Variants in DNM3 observed in about 807,000 individuals in gnomAD.
The protein encoded by DNM3 is dynamin 3.
In DNM3, 47 loss-of-function variants were observed where a neutral mutation model predicts 101.6. That is an observed-to-expected ratio of 0.46 (90% CI 0.37 to 0.59). The LOEUF is 0.59. Among genes scored for constraint, DNM3 ranks in the 20% least tolerant of loss-of-function variants. The pLI is 0.00. For synonymous variants in DNM3, 385 were observed against 387.9 expected (o/e 0.99, Z 0.09); for missense variants, 849 against 1,085.7 (o/e 0.78, Z 3.06).
At chr1:171,966,138 C>A (rs1035569364) in intron 2 of DNM3, among the ~76,000 whole-genome samples, 7 of 152,164 alleles carry the variant, frequency 4.6e-5, no homozygotes, top group Non-Finnish European at 1.0e-4. Flanking sequence ...GGTGGCCCTC[C>A]CAAACAACAC....
intron 12 of DNM3, among the ~76,000 whole-genome samples, chr1:172,086,278 A>G (rs899135070): frequency 1.3e-5 from 2 of 152,280 alleles, no homozygotes; most frequent in Admixed American, 6.5e-5. Flanking sequence ...AGAAACGGAC[A>G]TTGTTTCTTC....
intron 1 of DNM3, among the ~76,000 whole-genome samples, chr1:171,882,339 G>A (rs1434462142): frequency 1.9e-4 from 10 of 51,662 alleles, no homozygotes; most frequent in South Asian, 6.4e-4. Context: ...GCGAAACTCC[G>A]TCTCAAAAAA....
At chr1:172,086,646 A>G (rs12090154) in intron 12 of DNM3, among the ~76,000 whole-genome samples, 111 of 152,198 alleles carry the variant, frequency 7.3e-4, no homozygotes, top group African/African-American at 2.5e-3. Flanking sequence ...CAGTATAGTG[A>G]CTCCGGCTGA....
chr1:171,974,852 C>T (rs938260439), intron 2 of DNM3, among the ~76,000 whole-genome samples: 1 of 151,472 alleles, frequency 6.6e-6, no homozygotes, highest in Non-Finnish European at 1.5e-5. Context: ...CCTTCTCCCC[C>T]TCTTCTTCTT....
At chr1:171,927,270 A>ATAAATATTT (rs2040648539) in intron 2 of DNM3, among the ~76,000 whole-genome samples, 1 of 152,154 alleles carries the variant, frequency 6.6e-6, no homozygotes, top group African/African-American at 2.4e-5. Flanking sequence ...TTGGGGGTGC[A>ATAAATATTT]TGTGAAGGTT....
rs529843548 is a variant in DNM3, at chr1:172,368,626, C to T, written c.1894-10392C>T. ...GAAGGAAAGAAATAATAAAGATCAG[C>T]GCAGAAACAGAGATTAAAACAACAA... On this transcript the variant is annotated intron_variant, in intron 17 of 20. Coordinates refer to ENST00000627582, the MANE Select transcript of DNM3 (RefSeq NM_015569.5). Among the ~76,000 whole-genome samples the T allele has an allele frequency of 4.4e-4, 66 of 151,578 alleles. No homozygotes were observed. In the South Asian group the frequency reaches 6.0e-3, roughly 14 times the overall value.
intron 3 of DNM3, among the ~76,000 whole-genome samples, chr1:171,988,452 CTGTT>C (rs946523746): frequency 3.1e-4 from 47 of 151,938 alleles, no homozygotes; most frequent in African/African-American, 1.0e-3. Context: ...GTCACTGACT[CTGTT>C]TGTACAGCTG....
chr1:171,981,869 A>C (rs766600140), intron 2 of DNM3, among the ~76,000 whole-genome samples: 10 of 152,224 alleles, frequency 6.6e-5, no homozygotes, highest in Non-Finnish European at 1.2e-4. Context: ...GACAAAATAA[A>C]ATTTCACGGA....
intron 8 of DNM3, among the ~76,000 whole-genome samples, chr1:172,044,064 TA>T (rs2049593068): frequency 6.6e-6 from 1 of 152,148 alleles, no homozygotes; most frequent in South Asian, 2.1e-4. Flanking sequence ...CCCTCAAATT[TA>T]CCATATTCAG....
At chr1:172,215,272 C>G (rs1382482308) in intron 14 of DNM3, among the ~76,000 whole-genome samples, 1 of 152,050 alleles carries the variant, frequency 6.6e-6, no homozygotes, top group Non-Finnish European at 1.5e-5. Context: ...TATAAAATAA[C>G]AATGTTCTCC....
intron 12 of DNM3, among the ~76,000 whole-genome samples, chr1:172,085,526 A>T (rs767258533): frequency 6.6e-6 from 1 of 152,146 alleles, no homozygotes; most frequent in Non-Finnish European, 1.5e-5. Context: ...GACTATAGAT[A>T]TGTGCCGTTA....
At chr1:171,957,205 T>C (rs1008397252) in intron 2 of DNM3, among the ~76,000 whole-genome samples, 3 of 150,458 alleles carry the variant, frequency 2.0e-5, no homozygotes, top group African/African-American at 7.3e-5. Context: ...CTTTCTTTTT[T>C]TTTTTTTTTT....
At chr1:172,084,472 A>T (rs1188034397) in intron 12 of DNM3, among the ~76,000 whole-genome samples, 1 of 152,168 alleles carries the variant, frequency 6.6e-6, no homozygotes, top group Non-Finnish European at 1.5e-5. Flanking sequence ...ATTTTGCCCC[A>T]AGACTCAGAG....
chr1:172,334,754 CCAAA>C (rs1473726888), intron 17 of DNM3, among the ~76,000 whole-genome samples: 19 of 151,644 alleles, frequency 1.3e-4, no homozygotes, highest in Non-Finnish European at 1.6e-4. Flanking sequence ...ATGATAATAA[CCAAA>C]CAGATTTTCA....
At chr1:172,307,043 A>G (rs1364850055) in intron 15 of DNM3, among the ~76,000 whole-genome samples, 1 of 152,198 alleles carries the variant, frequency 6.6e-6, no homozygotes, top group Non-Finnish European at 1.5e-5. Context: ...TAATTAAACT[A>G]AAGAGCTTCT....
rs569146533 is a variant in DNM3 at position 172,001,252 on chromosome 1, A to G, written c.589+12104A>G. On this transcript the variant is annotated intron_variant, in intron 4 of 20. Coordinates refer to ENST00000627582, the MANE Select transcript of DNM3 (RefSeq NM_015569.5). Reference sequence around the variant, plus strand: ...TGGCTGAATATCTGCCTATCCTGGTAAGTTCTAATGATTGTATAATAAAGA... The same window carrying G: ...TGGCTGAATATCTGCCTATCCTGGTGAGTTCTAATGATTGTATAATAAAGA... Among the ~76,000 whole-genome samples, 41 of 152,122 alleles carry G rather than the reference A, an allele frequency of 2.7e-4. No homozygotes were observed. The South Asian group carries it at 8.1e-3, about 30-fold the overall frequency.
At position 172,070,691 on chromosome 1, in the gene DNM3, G is replaced by T. The variant is rs2052092582; in HGVS notation, c.1422+1786G>T. Among the ~76,000 whole-genome samples the T allele has an allele frequency of 2.6e-5, 4 of 152,060 alleles. No homozygotes were observed. The South Asian group carries it at 8.3e-4, about 32-fold the overall frequency. On this transcript the variant is annotated intron_variant, in intron 11 of 20. Coordinates refer to ENST00000627582, the MANE Select transcript of DNM3 (RefSeq NM_015569.5). ...CTGTTGTTAACATTTTGTGTAACTT[G>T]TGACAAGTTATTTGACATCTTTACA...
intron 2 of DNM3, among the ~76,000 whole-genome samples, chr1:171,979,095 A>C (rs937426289): frequency 2.0e-5 from 3 of 152,152 alleles, no homozygotes; most frequent in African/African-American, 7.2e-5. Context: ...GTAGAAGAGA[A>C]GGGAAGGAAC....
At chr1:172,247,768 T>G (rs1387296624) in intron 14 of DNM3, among the ~76,000 whole-genome samples, 1 of 151,976 alleles carries the variant, frequency 6.6e-6, no homozygotes, top group Admixed American at 6.6e-5. Context: ...CACTGCAACT[T>G]CTGCCTCCTG....
Sources: allele counts gnomAD v4.1 joint callset (sites outside exome capture counted in the v4.1 genomes callset), GRCh38; gene constraint gnomAD v4.1.1; transcripts MANE v1.5; gene names NCBI Gene and HGNC (gene_info 2026-07-23, HGNC 2026-07-21).